The following BORCS7 variants were observed in gnomAD, a reference collection of about 807,000 sequenced individuals.
The protein encoded by BORCS7 is BLOC-1 related complex subunit 7, also known as BLOC-1-related complex subunit 7.
BORCS7 carries 20 observed loss-of-function variants against 17.5 expected under a neutral mutation model. That is an observed-to-expected ratio of 1.14 (90% CI 0.80 to 1.66). The LOEUF is 1.66. Ranked by LOEUF, BORCS7 falls within the 40% of genes most tolerant of loss-of-function variation. BORCS7 has a pLI of 0.00. For missense variants in BORCS7, 122 were observed against 129.7 expected, an observed-to-expected ratio of 0.94 and a Z score of 0.29; for synonymous variants, 57 against 49.8, an observed-to-expected ratio of 1.14 and a Z score of -0.61.
At chr10:102,861,167 C>G (rs1011754100) in intron 3 of BORCS7, among the ~76,000 whole-genome samples, 3 of 152,090 alleles carry the variant, frequency 2.0e-5, no homozygotes, top group African/African-American at 7.2e-5. Flanking sequence ...GTAATCCCAG[C>G]ACTTTGGGAG....
rs1329137183 is a variant in BORCS7 at position 102,855,900 on chromosome 10, T to G, written c.141+1473T>G. ...CCTCAGCCTCCTGAGTAGCTGGGAT[T>G]ATAGGCGCCTGCCACCACACCCAGC... On this transcript the variant is annotated intron_variant, in intron 1 of 4. Transcript: ENST00000339834. Among the ~76,000 whole-genome samples the G allele has an allele frequency of 4.6e-5, 7 of 152,112 alleles. No homozygotes were observed. The East Asian group carries it at 1.4e-3, about 29-fold the overall frequency.
At position 102,860,483 on chromosome 10, in the gene BORCS7, C is replaced by A; in HGVS notation, c.205-15C>A. On this transcript the variant is annotated splice_polypyrimidine_tract_variant and intron_variant, in intron 2 of 4. Coordinates refer to ENST00000339834, the MANE Select transcript of BORCS7 (RefSeq NM_001136200.2). ...AAGTGGAAATGTTCTATTTCTCTCT[C>A]TCTTTTTTATGCAGAGTTTAAGGAA... is the stretch of plus-strand genomic sequence containing the variant. 6.2e-7 allele frequency: 1 copy of A among 1,612,334 alleles called. No homozygotes were observed. Among genetic ancestry groups the A allele is most frequent in the Non-Finnish European group, 8.5e-7 (1 of 1,178,466 alleles).
rs749094031 is a variant in BORCS7 at position 102,854,266 on chromosome 10, C to A, written c.-21C>A. 11 of 1,602,738 alleles carry A rather than the reference C, an allele frequency of 6.9e-6. No homozygotes were observed. Among genetic ancestry groups the A allele is most frequent in the Non-Finnish European group, 9.4e-6 (11 of 1,174,746 alleles). The stretch of plus-strand genomic sequence containing the variant: ...CCCCGGCGACTCACCATCGTCAGTG[C>A]GCAACCGTTCGCTAACTGAAATGAT... On this transcript the variant is annotated 5_prime_UTR_variant, in exon 1 of 5. Coordinates refer to ENST00000339834, the MANE Select transcript of BORCS7 (RefSeq NM_001136200.2).
In BORCS7 at chr10:102,863,046, T is replaced by C. The variant is rs1007660131; in HGVS notation, c.*122T>C. ...TCCAAAAGTTAAGTTAGAAAAGTTC[T>C]GTGTTAGGGCCGGGCGCGGTAGCTC... On this transcript the variant is annotated 3_prime_UTR_variant, in exon 5 of 5. Transcript: ENST00000339834. 1.1e-5 allele frequency: 11 copies of C among 972,838 alleles called. No homozygotes were observed. The East Asian group carries it at 2.3e-4, about 20-fold the overall frequency. 60.3% of individuals were successfully genotyped at this position (972,838 alleles called of 1,614,324 possible). A position where few individuals can be genotyped will look rare whatever the true frequency, so the allele number is the denominator to read the frequency against.
chr10:102,855,762 T>C lies in BORCS7; in HGVS notation c.141+1335T>C, dbSNP rs564210293. On this transcript the variant is annotated intron_variant, in intron 1 of 4. Transcript: ENST00000339834. ...AAAGGGTTAATCTTTGTTTGTTTGT[T>C]TGTTTTGAGACAGAGGAGGAGTCCC... Among the ~76,000 whole-genome samples, 24 of 152,230 alleles carry C rather than the reference T, an allele frequency of 1.6e-4. 2 individuals are homozygous for C. The South Asian group carries it at 4.6e-3, about 29-fold the overall frequency.
At chr10:102,860,605 A>G in intron 3 of BORCS7, 64 bp downstream of exon 3, 1 of 1,559,220 alleles carries the variant, frequency 6.4e-7, no homozygotes, top group Non-Finnish European at 8.8e-7. Flanking sequence ...GCTTTCATGG[A>G]CTTTGTGCTT....
chr10:102,859,432 C>T (rs1283169884), intron 1 of BORCS7, among the ~76,000 whole-genome samples: 1 of 151,898 alleles, frequency 6.6e-6, no homozygotes, highest in East Asian at 1.9e-4. Context: ...AGCCACCGCA[C>T]CTGGCCATCT....
At chr10:102,855,351 T>G (rs370846182) in intron 1 of BORCS7, among the ~76,000 whole-genome samples, 1 of 151,798 alleles carries the variant, frequency 6.6e-6, no homozygotes, top group Admixed American at 6.6e-5. Flanking sequence ...AGAGATGAGG[T>G]TTCACCATGT....
At chr10:102,854,448 C>A (rs888911532) in intron 1 of BORCS7, 21 bp downstream of exon 1, 12 of 1,519,358 alleles carry the variant, frequency 7.9e-6, no homozygotes, top group Non-Finnish European at 1.1e-5. Context: ...AGTGGACTCT[C>A]CCGGCCTGAT....
intron 4 of BORCS7, 26 bp downstream of exon 4, chr10:102,862,206 T>C: frequency 6.2e-7 from 1 of 1,602,358 alleles, no homozygotes; most frequent in Non-Finnish European, 8.5e-7. Flanking sequence ...GGTAGAGGAG[T>C]AGGGAACCAA....
Position 102,864,515 on chromosome 10 carries a change from A to C in BORCS7, c.*1591A>C, listed in dbSNP as rs529344540. 5 of 152,310 alleles carry C rather than the reference A, an allele frequency of 3.3e-5. No homozygotes were observed. The highest frequency in any genetic ancestry group is 5.9e-5 in the Non-Finnish European group (4 of 67,994). 9.4% of individuals were successfully genotyped at this position (152,310 alleles called of 1,614,324 possible). On this transcript the variant is annotated 3_prime_UTR_variant, in exon 5 of 5. Transcript: ENST00000339834. ...AAAAATTAAAATGAAGGGATGGTCT[A>C]AGTTTTCTTCATGCTGGAACAAATG...
chr10:102,862,953 C>T lies in BORCS7; in HGVS notation c.*29C>T. ...GACATGTAAGAGTGCTGTAGGACTC[C>T]TTTGCCTAATGCTGAGGAGTAAATA... On this transcript the variant is annotated 3_prime_UTR_variant, in exon 5 of 5. Coordinates refer to ENST00000339834, the MANE Select transcript of BORCS7 (RefSeq NM_001136200.2). 6.4e-7 allele frequency: 1 copy of T among 1,571,722 alleles called. No individual in the cohort carries two copies. Among genetic ancestry groups the T allele is most frequent in the African/African-American group, 1.4e-5 (1 of 74,070 alleles).
At chr10:102,854,648 C>A (rs560299653) in intron 1 of BORCS7, 3 of 440,574 alleles carry the variant, frequency 6.8e-6, no homozygotes, top group African/African-American at 2.0e-5. Flanking sequence ...GCCATGGGAA[C>A]CTGTGCTTTA....
intron 4 of BORCS7, 103 bp downstream of exon 4, chr10:102,862,283 G>C: frequency 9.0e-7 from 1 of 1,105,878 alleles, no homozygotes; most frequent in Non-Finnish European, 1.3e-6. Flanking sequence ...GTTGACACCT[G>C]CCCTCAAATT....
At chr10:102,860,435 A>G (rs770685662) in intron 2 of BORCS7, 41 bp downstream of exon 2, 5 of 1,610,150 alleles carry the variant, frequency 3.1e-6, no homozygotes, top group Middle Eastern at 1.6e-4. Flanking sequence ...GGGTTTATGT[A>G]TATGGTTTGT....
chr10:102,854,737 AC>A (rs983049567), intron 1 of BORCS7, among the ~76,000 whole-genome samples: 1 of 150,872 alleles, frequency 6.6e-6, no homozygotes, highest in South Asian at 2.1e-4. Context: ...TCATGGAGAA[AC>A]CCCCGTCTCT....
chr10:102,860,625 C>A (rs1485655930), intron 3 of BORCS7, 84 bp downstream of exon 3: 1 of 1,446,044 alleles, frequency 6.9e-7, no homozygotes. Context: ...TCAGCACTTT[C>A]CTGTGGAGGC....
At chr10:102,856,311 G>A (rs1023464214) in intron 1 of BORCS7, among the ~76,000 whole-genome samples, 8 of 151,896 alleles carry the variant, frequency 5.3e-5, no homozygotes, top group African/African-American at 1.9e-4. Flanking sequence ...CTAACACTTT[G>A]GGAGGCCGAG....
chr10:102,860,644 G>T, intron 3 of BORCS7, 103 bp downstream of exon 3: 1 of 1,278,936 alleles, frequency 7.8e-7, no homozygotes, highest in Non-Finnish European at 1.1e-6. Context: ...GCCAGAGTGG[G>T]AGTAAAGGTG....
Sources: allele counts gnomAD v4.1 joint callset (sites outside exome capture counted in the v4.1 genomes callset), GRCh38; gene constraint gnomAD v4.1.1; transcripts MANE v1.5; gene names NCBI Gene and HGNC (gene_info 2026-07-23, HGNC 2026-07-21).